The following IGSF1 variants were observed in gnomAD, a reference collection of about 807,000 sequenced individuals.
The protein encoded by IGSF1 is immunoglobulin-like domain-containing protein 1.
A neutral mutation model predicts 95.3 loss-of-function variants in IGSF1; 40 were observed. The ratio of observed to expected loss-of-function variants is 0.42; its 90% CI spans 0.33 to 0.55. The LOEUF is 0.55. Ranked by LOEUF, IGSF1 falls within the 20% of genes least tolerant of loss-of-function variation. IGSF1 has a pLI of 0.10. For synonymous variants in IGSF1, 372 were observed against 382.9 expected, an observed-to-expected ratio of 0.97 and a Z score of 0.33; for missense variants, 906 against 1,025.4, an observed-to-expected ratio of 0.88 and a Z score of 1.59.
chrX:131,289,050 AG>A (rs2080682865), intron 1 of IGSF1, 163 bp downstream of exon 1: 1 of 293,703 alleles, frequency 3.4e-6, no homozygotes, highest in African/African-American at 2.8e-5. Context: ...CGGGAAGGAA[AG>A]GAGAAAGGCA....
intron 16 of IGSF1, 72 bp downstream of exon 16, chrX:131,275,406 C>G: frequency 8.7e-7 from 1 of 1,148,405 alleles, no homozygotes; most frequent in East Asian, 3.0e-5. Context: ...TCTCTGAAAA[C>G]TATCTCCCAT....
chrX:131,281,112 T>C, intron 9 of IGSF1, 106 bp downstream of exon 9: 2 of 890,968 alleles, frequency 2.2e-6, no homozygotes, highest in Non-Finnish European at 3.2e-6. Flanking sequence ...GCCCAGAAGA[T>C]AGGGGTTCTA....
At chrX:131,277,348 A>G in intron 13 of IGSF1, 122 bp from the exon 14 acceptor site, 1 of 675,973 alleles carries the variant, frequency 1.5e-6, no homozygotes, top group Admixed American at 3.9e-5. Flanking sequence ...CTTTGCTTTT[A>G]AGTAAGTGCA....
chrX:131,284,508 G>C (rs773583721), intron 5 of IGSF1: 2 of 751,875 alleles, frequency 2.7e-6, no homozygotes, highest in Non-Finnish European at 1.6e-6. Context: ...GCTGGATAGA[G>C]AGACTAAAGC....
At chrX:131,282,933 A>T in intron 6 of IGSF1, 47 bp downstream of exon 6, 1 of 1,081,797 alleles carries the variant, frequency 9.2e-7, no homozygotes, top group Non-Finnish European at 1.3e-6. Context: ...AGGGAGATTT[A>T]TATCCTTAGC....
At position 131,281,699 on chromosome X, in the gene IGSF1, G is replaced by T. The variant is rs200210980; in HGVS notation, c.1492C>A (p.Arg498Ser). The change falls in exon 8 of 20, where the codon CGC (arginine) becomes AGC (serine). Residue 498 changes from arginine to serine, a missense_variant. Transcript: ENST00000361420. ...CCCATCAGCTTCAGGGGCTCACTGC[G>T]ATGTGACCAGATGTTAGGATGTGTC... Reference protein sequence around the residue: ...VETHPNIWSHRSEPLKLMGPA... With the variant: ...VETHPNIWSHSSEPLKLMGPA... The T allele has an allele frequency of 3.9e-4, 474 of 1,208,917 alleles. No individual in the cohort carries two copies. The highest frequency in any genetic ancestry group is 5.1e-4 in the Non-Finnish European group (456 of 894,596).
rs192366574 is a variant in IGSF1, at chrX:131,276,055, T to C, written c.2802A>G (p.Ala934=). Residue 934 remains alanine, a synonymous_variant, in exon 15 of 20, where the codon GCA becomes GCG. Transcript: ENST00000361420. ...SADFLLHTVG[A]EDSGNYSCIY... is the part of the protein sequence containing the mutation. ...TACAGCTATAGTTCCCAGAGTCCTC[T>C]GCTCCAACAGTGTGGAGAAGGAAGT... 1 of 1,208,753 alleles carries C rather than the reference T, an allele frequency of 8.3e-7. No individual in the cohort carries two copies. The highest frequency in any genetic ancestry group is 1.7e-5 in the African/African-American group (1 of 57,201).
At position 131,273,876 on chromosome X, in the gene IGSF1, C is replaced by T. The variant is rs1327370623; in HGVS notation, c.3931G>A (p.Glu1311Lys). 8.3e-7 allele frequency: 1 copy of T among 1,207,831 alleles called. No individual in the cohort carries two copies. The highest frequency in any genetic ancestry group is 1.1e-6 in the Non-Finnish European group (1 of 893,556). ...TTGGCAGGGGTGCCTGGTTCTCCTT[C>T]TTGGTTACACTCTTCAAGGGCAATG... ...QTIALEECNQ[E>K]GEPGTPANSP... Residue 1311 changes from glutamate to lysine, a missense_variant, in exon 20 of 20, where the codon GAA (glutamate) becomes AAA (lysine). Coordinates refer to ENST00000361420, the MANE Select transcript of IGSF1 (RefSeq NM_001555.5).
Position 131,284,433 on chromosome X carries a change from C to A in IGSF1, c.667+746G>T, listed in dbSNP as rs772358655. On this transcript the variant is annotated intron_variant, in intron 5 of 19. Coordinates refer to ENST00000361420, the MANE Select transcript of IGSF1 (RefSeq NM_001555.5). Reference sequence around the variant, plus strand: ...CAGTGTCAGAAATAGAACTAGAAACCAGTATTACTGCTTCTAAGTCTAGGG... The same window carrying A: ...CAGTGTCAGAAATAGAACTAGAAACAAGTATTACTGCTTCTAAGTCTAGGG... The A allele has an allele frequency of 1.7e-3, 991 of 593,152 alleles. 2 individuals are homozygous for A. Among genetic ancestry groups the A allele is most frequent in the Non-Finnish European group, 1.9e-3 (957 of 493,468 alleles). 48.9% of individuals were successfully genotyped at this position (593,152 alleles called of 1,213,427 possible).
chrX:131,288,668 A>G (rs766838989), intron 1 of IGSF1, among the ~76,000 whole-genome samples: 33 of 111,152 alleles, frequency 3.0e-4, no homozygotes, highest in African/African-American at 1.0e-3. Context: ...TATTCAGCCC[A>G]GATGATGAAT....
chrX:131,274,926 C>G, intron 17 of IGSF1, 49 bp from the exon 18 acceptor site: 1 of 1,195,129 alleles, frequency 8.4e-7, no homozygotes, highest in Middle Eastern at 2.3e-4. Context: ...CTGAACTTAG[C>G]CTTTTACCCC....
chrX:131,277,842 C>A lies in IGSF1; in HGVS notation c.2320+14G>T, dbSNP rs1446359967. The A allele has an allele frequency of 8.3e-7, 1 of 1,202,345 alleles. No individual in the cohort carries two copies. Among genetic ancestry groups the A allele is most frequent in the Non-Finnish European group, 1.1e-6 (1 of 890,906 alleles). ...ACCCTGCCCCCTTTCCTCCCACACC[C>A]TTTTCAGCTCTACCTTTTATGACAA... On this transcript the variant is annotated intron_variant, in intron 13 of 19. Transcript: ENST00000361420.
chrX:131,287,585 T>G (rs1397931976), intron 1 of IGSF1, among the ~76,000 whole-genome samples: 1 of 111,854 alleles, frequency 8.9e-6, no homozygotes, highest in East Asian at 2.8e-4. Flanking sequence ...GTCTAAATGA[T>G]TCTTTCGTTG....
chrX:131,273,640 G>A lies in IGSF1; in HGVS notation c.*156C>T. ...TCTCTTCAGGAAACATCTCACCCTG[G>A]CAGAGCTCTCAACTCCCAGAATCCC... On this transcript the variant is annotated 3_prime_UTR_variant, in exon 20 of 20. Transcript: ENST00000361420. The A allele has an allele frequency of 3.9e-6, 2 of 517,461 alleles. No homozygotes were observed. The highest frequency in any genetic ancestry group is 6.5e-6 in the Non-Finnish European group (2 of 308,187). The allele number at this position is 517,461 out of a possible 1,213,427, so 42.6% of individuals were successfully genotyped here.
chrX:131,278,786 G>A (rs371097245), intron 11 of IGSF1, 35 bp from the exon 12 acceptor site: 44 of 1,157,921 alleles, frequency 3.8e-5, no homozygotes, highest in Non-Finnish European at 4.2e-5. Context: ...CCATCCTCCC[G>A]CCTCCCTTCC....
At chrX:131,276,749 C>T (rs56397391) in intron 14 of IGSF1, among the ~76,000 whole-genome samples, 190 bp downstream of exon 14, 1,199 of 111,913 alleles carry the variant, frequency 0.011, 9 homozygotes, top group South Asian at 0.032. Context: ...TCCCCACTGC[C>T]TTTGTTTCTT....
chrX:131,277,976 A>C lies in IGSF1; in HGVS notation c.2200T>G (p.Phe734Val). The C allele has an allele frequency of 1.7e-6, 2 of 1,211,439 alleles. No homozygotes were observed. The highest frequency in any genetic ancestry group is 2.2e-6 in the Non-Finnish European group (2 of 895,272). The change falls in exon 13 of 20, where the codon TTC becomes GTC. Residue 734 changes from phenylalanine (F) to valine (V), a missense_variant. Around this residue, in one of 5 missense-constraint regions of IGSF1, gnomAD observed 411 missense variants for 494.9 expected, o/e 0.83. Coordinates refer to ENST00000361420, the MANE Select transcript of IGSF1 (RefSeq NM_001555.5). The stretch of plus-strand genomic sequence containing the variant: ...TCCTCCATTCTCTGGATTGTAAAGA[A>C]GGCTTCTCTTCCAACAGCACCAAGT... ...QQLGAVGREA[F>V]FTIQRMEDKD... is the part of the protein sequence containing the mutation.
upstream of IGSF1, chrX:131,289,352 C>A (rs891227400): frequency 2.7e-6 from 1 of 365,393 alleles, no homozygotes; most frequent in Admixed American, 2.6e-5. Context: ...CCCCGCCCGC[C>A]TGCCGGCCCG....
At chrX:131,277,577 A>C (rs932988320) in intron 13 of IGSF1, 1 of 382,175 alleles carries the variant, frequency 2.6e-6, no homozygotes, top group Non-Finnish European at 4.5e-6. Context: ...CCCACCTTGA[A>C]GAGTTGCTCT....
Sources: allele counts gnomAD v4.1 joint callset (sites outside exome capture counted in the v4.1 genomes callset), GRCh38; gene constraint gnomAD v4.1.1; regional missense constraint gnomAD v4.1.1; transcripts MANE v1.5; gene names NCBI Gene and HGNC (gene_info 2026-07-23, HGNC 2026-07-21).